ITGA9: variants seen among roughly 807,000 people sequenced by gnomAD.
ITGA9 encodes integrin alpha-9.
ITGA9 carries 56 observed loss-of-function variants against 127.8 expected under a neutral mutation model. The observed-to-expected ratio is 0.44, with a 90% confidence interval of 0.35 to 0.55. ITGA9 has a LOEUF of 0.55. ITGA9 is among the 20% of genes least tolerant of loss of function. The pLI is 0.00. For synonymous variants in ITGA9, 508 were observed against 514.5 expected (o/e 0.99, Z 0.17); for missense variants, 1,196 against 1,347.1 (o/e 0.89, Z 1.76).
At position 37,602,601 on chromosome 3, in the gene ITGA9, T is replaced by A. The variant is rs61558790; in HGVS notation, c.1690-26586T>A. Among the ~76,000 whole-genome samples, 325 of 152,360 alleles carry A rather than the reference T, an allele frequency of 2.1e-3. 1 individual carries two copies. Among genetic ancestry groups the A allele is most frequent in the African/African-American group, 7.4e-3 (306 of 41,592 alleles). On this transcript the variant is annotated intron_variant, in intron 15 of 27. Coordinates refer to ENST00000264741, the MANE Select transcript of ITGA9 (RefSeq NM_002207.3). ...ATCAGATATACTTTTCTAGTTTTTT[T>A]AATTTTTATTTTTTGCATTTCTTGA...
At chr3:37,621,882 T>C (rs1157051378) in intron 15 of ITGA9, among the ~76,000 whole-genome samples, 1 of 152,182 alleles carries the variant, frequency 6.6e-6, no homozygotes, top group Non-Finnish European at 1.5e-5. Flanking sequence ...CAAGGTACAC[T>C]GATTTTCTTA....
intron 17 of ITGA9, among the ~76,000 whole-genome samples, chr3:37,669,149 G>T (rs1357596436): frequency 4.6e-5 from 7 of 152,184 alleles, no homozygotes; most frequent in Admixed American, 4.6e-4. Context: ...GACGAGGCTG[G>T]GTGGTTGCCA....
intron 6 of ITGA9, among the ~76,000 whole-genome samples, chr3:37,504,558 G>C (rs561374417): frequency 2.0e-4 from 31 of 152,300 alleles, no homozygotes; most frequent in Admixed American, 1.8e-3. Flanking sequence ...ATAGTGCCTG[G>C]TGTATAGTAG....
chr3:37,513,914 T>G lies in ITGA9; in HGVS notation c.1035+14T>G, dbSNP rs762956779. ...AACAGAGGAAATGTGAGTACAATAC[T>G]GGGCAATGTGCGGATGGGTGTGGGG... On this transcript the variant is annotated intron_variant, in intron 9 of 27. Transcript: ENST00000264741. The G allele has an allele frequency of 4.0e-5, 64 of 1,612,570 alleles. No individual in the cohort carries two copies. The South Asian group carries it at 6.3e-4, about 16-fold the overall frequency.
chr3:37,806,626 G>T lies in ITGA9; in HGVS notation c.3009+2684G>T, dbSNP rs1156456458. 3 of 152,228 alleles carry T rather than the reference G, an allele frequency of 2.0e-5. No individual in the cohort carries two copies. Among genetic ancestry groups the T allele is most frequent in the African/African-American group, 7.2e-5 (3 of 41,436 alleles). 9.4% of individuals were successfully genotyped at this position (152,228 alleles called of 1,614,324 possible). On this transcript the variant is annotated intron_variant, in intron 27 of 27. Transcript: ENST00000264741. The surrounding 1 kb of genome is among the most constrained non-coding windows in gnomAD (Gnocchi z 4.3). ...TGTCATGGGTGGGGAGAACCCTGAG[G>T]TCACCCAGCTGTGTGGGATCCAAAG... is the stretch of plus-strand genomic sequence containing the variant.
intron 16 of ITGA9, among the ~76,000 whole-genome samples, chr3:37,645,557 C>T (rs184645771): frequency 6.6e-5 from 10 of 151,734 alleles, no homozygotes; most frequent in Admixed American, 3.9e-4. Context: ...GAACAAGACT[C>T]ATCTCAAAAA....
intron 13 of ITGA9, among the ~76,000 whole-genome samples, chr3:37,526,561 C>A (rs192110899): frequency 2.0e-5 from 3 of 152,230 alleles, no homozygotes; most frequent in African/African-American, 7.2e-5. Context: ...CACGTCATTC[C>A]CTGTTGGCTG....
intron 17 of ITGA9, among the ~76,000 whole-genome samples, chr3:37,659,252 G>T (rs1700509459): frequency 6.6e-6 from 1 of 152,088 alleles, no homozygotes; most frequent in Non-Finnish European, 1.5e-5. Context: ...AGTTCTCCTG[G>T]ATAATATCCT....
intron 18 of ITGA9, among the ~76,000 whole-genome samples, chr3:37,716,642 G>T (rs906056221): frequency 2.7e-5 from 4 of 148,590 alleles, no homozygotes; most frequent in African/African-American, 1.0e-4. Flanking sequence ...CAATCTCATG[G>T]CCCTGCAGCT....
chr3:37,687,385 A>C, intron 18 of ITGA9, among the ~76,000 whole-genome samples: 1 of 149,050 alleles, frequency 6.7e-6, no homozygotes, highest in East Asian at 1.9e-4. Flanking sequence ...GCAATAAAAA[A>C]GGATGACATG....
intron 24 of ITGA9, 24 bp downstream of exon 24, chr3:37,777,541 G>A (rs779132580): frequency 8.7e-6 from 14 of 1,613,418 alleles, no homozygotes; most frequent in Admixed American, 1.7e-5. Context: ...TAGTGGTTGG[G>A]GTAACACGGG....
At chr3:37,815,297 C>G (rs1326076658) in intron 27 of ITGA9, among the ~76,000 whole-genome samples, 1 of 152,182 alleles carries the variant, frequency 6.6e-6, no homozygotes, top group African/African-American at 2.4e-5. Flanking sequence ...AGCTTTTGCT[C>G]TTAGAGATGA....
At chr3:37,762,820 T>C (rs1696738376) in intron 23 of ITGA9, among the ~76,000 whole-genome samples, 1 of 152,224 alleles carries the variant, frequency 6.6e-6, no homozygotes, top group Non-Finnish European at 1.5e-5. Context: ...TAGCACTACC[T>C]GGAAGTTGAG....
intron 1 of ITGA9, among the ~76,000 whole-genome samples, chr3:37,457,480 A>G (rs560454903): frequency 5.9e-5 from 9 of 152,298 alleles, no homozygotes; most frequent in African/African-American, 9.6e-5. Context: ...GGAAACACCC[A>G]GAAATGGTGG....
rs550158332 is a variant in ITGA9 at position 37,785,045 on chromosome 3, G to A, written c.2856G>A (p.Val952=). 198 of 1,614,084 alleles carry A rather than the reference G, an allele frequency of 1.2e-4. 3 individuals carry two copies. The South Asian group carries it at 2.1e-3, about 17-fold the overall frequency. ...AGGTGGATCCTGCCCTAAGGGTGGT[G>A]GAAATAGCTCATGGGAACCCAGAAG... ...KVKVDPALRV[V]EIAHGNPEEV... is the part of the protein sequence containing the mutation. The change falls in exon 26 of 28, where the codon GTG becomes GTA. Residue 952 remains valine (V), a synonymous_variant. Coordinates refer to ENST00000264741, the MANE Select transcript of ITGA9 (RefSeq NM_002207.3).
intron 15 of ITGA9, among the ~76,000 whole-genome samples, chr3:37,627,779 T>C (rs1700190318): frequency 6.7e-6 from 1 of 148,200 alleles, no homozygotes; most frequent in Non-Finnish European, 1.5e-5. Flanking sequence ...TATAGTGACA[T>C]GCTGTATGTC....
At chr3:37,700,783 T>C (rs1700938063) in intron 18 of ITGA9, among the ~76,000 whole-genome samples, 1 of 152,362 alleles carries the variant, frequency 6.6e-6, no homozygotes, top group South Asian at 2.1e-4. Flanking sequence ...GGTATATCTA[T>C]CTTTCTCTGT....
chr3:37,667,191 A>G lies in ITGA9; in HGVS notation c.1916+13401A>G, dbSNP rs114947375. Among the ~76,000 whole-genome samples the G allele has an allele frequency of 8.9e-3, 1,354 of 152,120 alleles. 23 individuals carry two copies. The highest frequency in any genetic ancestry group is 0.031 in the African/African-American group (1,299 of 41,480). On this transcript the variant is annotated intron_variant, in intron 17 of 27. Transcript: ENST00000264741. ...GAAATTCCAACAGGAGTATCATATC[A>G]CCTTTTGACATGGAGGCTTCTTCCC...
intron 15 of ITGA9, among the ~76,000 whole-genome samples, chr3:37,621,331 T>G (rs147100117): frequency 6.6e-6 from 1 of 152,368 alleles, no homozygotes; most frequent in African/African-American, 2.4e-5. Flanking sequence ...GAGAACAGAC[T>G]AATACACCAA....
Sources: gnomAD v4.1 joint callset for allele counts (sites outside exome capture counted in the v4.1 genomes callset) on GRCh38, gnomAD v4.1.1 for gene constraint, Gnocchi (gnomAD v3.1) non-coding constraint, MANE v1.5 for transcripts, NCBI Gene and HGNC (gene_info 2026-07-23, HGNC 2026-07-21) for gene names.